C17orf75: variants seen among roughly 807,000 people sequenced by gnomAD.
C17orf75 encodes protein Njmu-R1.
A neutral mutation model predicts 49.6 loss-of-function variants in C17orf75; 32 were observed. The observed-to-expected ratio is 0.65, with a 90% confidence interval of 0.49 to 0.87. The LOEUF (loss-of-function observed/expected upper bound fraction) is 0.87, where lower values mean the gene tolerates loss of function less well. Among genes scored for constraint, C17orf75 ranks in the 40% least tolerant of loss-of-function variants. C17orf75 has a pLI of 0.00. For synonymous variants in C17orf75, 158 were observed against 159.5 expected (o/e 0.99, Z 0.07); for missense variants, 428 against 473.9 (o/e 0.90, Z 0.90).
chr17:32,339,010 G>C (rs943094104), intron 3 of C17orf75, among the ~76,000 whole-genome samples: 1 of 152,102 alleles, frequency 6.6e-6, no homozygotes, highest in Non-Finnish European at 1.5e-5. Context: ...AGAATTGCTT[G>C]AACCAGGGAG....
chr17:32,338,876 A>G (rs1463489529), intron 3 of C17orf75, among the ~76,000 whole-genome samples: 1 of 152,214 alleles, frequency 6.6e-6, no homozygotes, highest in Non-Finnish European at 1.5e-5. Flanking sequence ...GAATCACCTG[A>G]GGTCAGGAGT....
chr17:32,341,063 T>C (rs1290240350), intron 2 of C17orf75, 141 bp downstream of exon 2: 3 of 827,948 alleles, frequency 3.6e-6, no homozygotes, highest in African/African-American at 3.4e-5. Context: ...GAAATCAGGA[T>C]GAGGTTCCTA....
Position 32,342,113 on chromosome 17 carries a change from C to T in C17orf75, c.27G>A (p.Met9Ile), listed in dbSNP as rs1192815686. The change falls in exon 1 of 10, where the codon ATG becomes ATA. Residue 9 changes from methionine to isoleucine, a missense_variant. Physicochemically the swap from Met to Ile is conservative, Grantham distance 10 (BLOSUM62 1). Coordinates refer to ENST00000577809, the MANE Select transcript of C17orf75 (RefSeq NM_022344.4). ...TCTCTAGTTCCTTTTCATCTCCATC[C>T]ATCGACTCCTGCAAAGAGGGGAGCA... is the stretch of plus-strand genomic sequence containing the variant. MLPSLQES[M>I]DGDEKELESS... The T allele has an allele frequency of 6.2e-7, 1 of 1,601,954 alleles. No individual in the cohort carries two copies. Among genetic ancestry groups the T allele is most frequent in the Non-Finnish European group, 8.5e-7 (1 of 1,174,900 alleles).
chr17:32,335,558 T>A, intron 5 of C17orf75, 116 bp from the exon 6 acceptor site: 1 of 1,253,206 alleles, frequency 8.0e-7, no homozygotes. Context: ...CCTCCCTTTT[T>A]AAAGCTAACA....
chr17:32,342,957 C>A (rs992077944), upstream of C17orf75, among the ~76,000 whole-genome samples: 1 of 152,168 alleles, frequency 6.6e-6, no homozygotes, highest in African/African-American at 2.4e-5. Context: ...TAAAAGGATA[C>A]CAAAGACTGG....
At position 32,341,253 on chromosome 17, in the gene C17orf75, C is replaced by T. The variant is rs781152939; in HGVS notation, c.172G>A (p.Gly58Arg). 1.5e-5 allele frequency: 25 copies of T among 1,613,820 alleles called. No individual in the cohort carries two copies. Among genetic ancestry groups the T allele is most frequent in the Admixed American group, 5.0e-5 (3 of 59,982 alleles). The change falls in exon 2 of 10, where the codon GGA becomes AGA. Residue 58 changes from glycine to arginine, a missense_variant. Transcript: ENST00000577809. ...TCTGCATTTGTGCCACTTGGGCTTC[C>T]GTCCTCACTGTCCCCTCGTTGCTGT... ...LAQQRGDSED[G>R]SPSGTNAETP...
At chr17:32,337,847 G>A in intron 5 of C17orf75, 50 bp downstream of exon 5, 2 of 1,534,280 alleles carry the variant, frequency 1.3e-6, no homozygotes, top group South Asian at 1.2e-5. Flanking sequence ...GTGAGCCACT[G>A]AGCCTGGCCC....
chr17:32,344,174 T>C (rs959208807), upstream of C17orf75: 35 of 509,716 alleles, frequency 6.9e-5, no homozygotes, highest in East Asian at 1.2e-3. Flanking sequence ...TGTATTTTTA[T>C]TTTTTATAGA....
intron 5 of C17orf75, among the ~76,000 whole-genome samples, chr17:32,337,519 C>G (rs904409829): frequency 6.6e-6 from 1 of 152,188 alleles, no homozygotes; most frequent in African/African-American, 2.4e-5. Flanking sequence ...TTCTAGAATA[C>G]AGGCGTCTTT....
At chr17:32,334,333 A>G in intron 8 of C17orf75, 136 bp downstream of exon 8, 1 of 1,118,820 alleles carries the variant, frequency 8.9e-7, no homozygotes, top group Non-Finnish European at 1.2e-6. Flanking sequence ...GTTTTCACCA[A>G]GTGGTTTCTC....
rs544699522 is a variant in C17orf75 at position 32,330,859 on chromosome 17, T to A, written c.*904A>T. 20 of 152,244 alleles carry A rather than the reference T, an allele frequency of 1.3e-4. No individual in the cohort carries two copies. Among genetic ancestry groups the A allele is most frequent in the African/African-American group, 4.1e-4 (17 of 41,556 alleles). The allele number at this position is 152,244 out of a possible 1,614,324, so 9.4% of individuals were successfully genotyped here. ...TAGCTTTCTCTCAGAGATAATTATT[T>A]TTTTTTTTGAGACAGAGTCTCGCTC... On this transcript the variant is annotated 3_prime_UTR_variant, in exon 10 of 10. Coordinates refer to ENST00000577809, the MANE Select transcript of C17orf75 (RefSeq NM_022344.4).
At position 32,334,783 on chromosome 17, in the gene C17orf75, GTCTC is replaced by G; in HGVS notation, c.722_725del (p.Arg241ThrfsTer6). 6.2e-7 allele frequency: 1 copy of G among 1,603,650 alleles called. No individual in the cohort carries two copies. Among genetic ancestry groups the G allele is most frequent in the Non-Finnish European group, 8.5e-7 (1 of 1,174,026 alleles). ...AAAAAACTGTTCTTTACCTGTTAAT[GTCTC>G]TCTTTGTTTTTTCATCTGATTCTTT... is the stretch of plus-strand genomic sequence containing the variant. On this transcript the variant is annotated frameshift_variant, in exon 7 of 10. Transcript: ENST00000577809. LOFTEE classifies it high-confidence loss of function.
intron 2 of C17orf75, 102 bp from the exon 3 acceptor site, chr17:32,340,040 T>TG: frequency 7.2e-7 from 1 of 1,382,318 alleles, no homozygotes; most frequent in Non-Finnish European, 9.8e-7. Flanking sequence ...TTTTAAGGAC[T>TG]GGGGAAAGCT....
At chr17:32,333,165 CTAAGT>C (rs903783280) in intron 9 of C17orf75, among the ~76,000 whole-genome samples, 6 of 152,144 alleles carry the variant, frequency 3.9e-5, no homozygotes, top group Non-Finnish European at 7.4e-5. Flanking sequence ...TGCTTTCCAA[CTAAGT>C]TAAGTCACAA....
intron 1 of C17orf75, 78 bp from the exon 2 acceptor site, chr17:32,341,362 TA>T: frequency 6.9e-7 from 1 of 1,448,006 alleles, no homozygotes. Flanking sequence ...GCAAGCAGGG[TA>T]AGGCAAGGAG....
intron 4 of C17orf75, 30 bp from the exon 5 acceptor site, chr17:32,337,984 A>G: frequency 1.3e-6 from 2 of 1,575,744 alleles, no homozygotes; most frequent in South Asian, 2.3e-5. Context: ...ATAAAGGATG[A>G]ATAATGAAGA....
chr17:32,332,629 G>A (rs563076100), intron 9 of C17orf75, among the ~76,000 whole-genome samples: 2 of 152,238 alleles, frequency 1.3e-5, no homozygotes, highest in South Asian at 4.1e-4. Flanking sequence ...AGCTGAGTGT[G>A]GTGGTGCACA....
intron 9 of C17orf75, among the ~76,000 whole-genome samples, chr17:32,332,942 C>A (rs2041291002): frequency 6.6e-6 from 1 of 152,122 alleles, no homozygotes; most frequent in Non-Finnish European, 1.5e-5. Context: ...CCTGACATAG[C>A]CAGGATTACA....
chr17:32,337,087 C>T (rs2041332860), intron 5 of C17orf75, among the ~76,000 whole-genome samples: 1 of 151,980 alleles, frequency 6.6e-6, no homozygotes, highest in Admixed American at 6.6e-5. Context: ...GAAAAGGCTG[C>T]AGTAAGCCAT....
Sources: allele counts gnomAD v4.1 joint callset (sites outside exome capture counted in the v4.1 genomes callset), GRCh38; gene constraint gnomAD v4.1.1; transcripts MANE v1.5; gene names NCBI Gene and HGNC (gene_info 2026-07-23, HGNC 2026-07-21).